INTS11: variants seen among roughly 807,000 people sequenced by gnomAD.
The protein encoded by INTS11 is integrator complex subunit 11.
A neutral mutation model predicts 78.6 loss-of-function variants in INTS11; 77 were observed. The observed-to-expected ratio is 0.98, with a 90% CI of 0.81 to 1.18. The LOEUF is 1.18. Among genes scored for constraint, INTS11 ranks in the 50% most tolerant of loss-of-function variants. The pLI, the probability that INTS11 is intolerant of heterozygous loss-of-function variation, is 0.00. For synonymous variants in INTS11, 441 were observed against 326.9 expected, an observed-to-expected ratio of 1.35 and a Z score of -3.77; for missense variants, 875 against 825.9, an observed-to-expected ratio of 1.06 and a Z score of -0.73.
chr1:1,313,807 G>A lies in INTS11; in HGVS notation c.882C>T (p.Phe294=), dbSNP rs12142199. The part of the protein sequence containing the change: ...PWTNQKIRKT[F]VQRNMFEFKH... ...TGAACTCAAACATGTTCCTCTGCAC[G>A]AAAGTCTTGCGGATCTTCTGGTTGG... is the stretch of plus-strand genomic sequence containing the variant. The change falls in exon 9 of 17, where the codon TTC becomes TTT. Residue 294 remains phenylalanine (F), a synonymous_variant. Transcript: ENST00000435064. The A allele has an allele frequency of 0.7, 1,125,825 of 1,613,356 alleles. 429,561 individuals are homozygous for A. The highest frequency in any genetic ancestry group is 0.79 in the Non-Finnish European group (937,864 of 1,179,914).
chr1:1,314,771 A>G lies in INTS11; in HGVS notation c.702+53T>C, dbSNP rs1462488793. 1 of 1,571,114 alleles carries G rather than the reference A, an allele frequency of 6.4e-7. No homozygotes were observed. The highest frequency in any genetic ancestry group is 1.3e-5 in the African/African-American group (1 of 74,250). ...GCCAAGGGCAGCCAAGCCTGCCAGAAAGACCAGCCCAGCATGGCCGAGGGC... is the reference window on the plus strand; with the variant it reads ...GCCAAGGGCAGCCAAGCCTGCCAGAGAGACCAGCCCAGCATGGCCGAGGGC... On this transcript the variant is annotated intron_variant, in intron 7 of 16. Coordinates refer to ENST00000435064, the MANE Select transcript of INTS11 (RefSeq NM_017871.6). The surrounding 1 kb of genome is among the most constrained non-coding windows in gnomAD (Gnocchi z 4.2).
At chr1:1,322,432 G>C (rs1297591097) in intron 1 of INTS11, among the ~76,000 whole-genome samples, 1 of 148,102 alleles carries the variant, frequency 6.8e-6, no homozygotes, top group Non-Finnish European at 1.5e-5. Flanking sequence ...AAGCACGCCA[G>C]ACGAAGGTTA....
chr1:1,313,432 G>A (rs911460291), intron 10 of INTS11, 77 bp downstream of exon 10: 2 of 1,523,188 alleles, frequency 1.3e-6, no homozygotes, highest in Non-Finnish European at 9.1e-7. Context: ...GCCAGTGAGA[G>A]CTCAGAGACA....
In INTS11 at chr1:1,314,046, C is replaced by T. The variant is rs997832305; in HGVS notation, c.768-125G>A. The T allele has an allele frequency of 9.1e-6, 9 of 991,256 alleles. No homozygotes were observed. Among genetic ancestry groups the T allele is most frequent in the Admixed American group, 4.6e-5 (2 of 43,850 alleles). 61.4% of individuals were successfully genotyped at this position (991,256 alleles called of 1,614,324 possible). ...ACGCACGGGCCAGGTTGAGTCCAGT[C>T]GCGACCACTTGTCCCATTAAGCCCT... On this transcript the variant is annotated intron_variant, in intron 8 of 16. Transcript: ENST00000435064. This position sits in a 1 kb window ranked among gnomAD's most constrained non-coding sequence, Gnocchi z 4.2.
intron 10 of INTS11, 22 bp from the exon 11 acceptor site, chr1:1,313,146 ACAGC>A: frequency 6.3e-7 from 1 of 1,596,582 alleles, no homozygotes; most frequent in Non-Finnish European, 8.5e-7. Flanking sequence ...CACAGAGCTC[ACAGC>A]CAGGGAACTC....
In INTS11 at chr1:1,320,438, C is replaced by A. The variant is rs201068171; in HGVS notation, c.200+18G>T. 10 of 1,611,582 alleles carry A rather than the reference C, an allele frequency of 6.2e-6. No homozygotes were observed. In the East Asian group the frequency reaches 2.2e-4, roughly 36 times the overall value. The stretch of plus-strand genomic sequence containing the variant: ...AGGCACAGACATGGGACCCTCAAGG[C>A]CCCCAACAGGAACCCACCTAATGAT... On this transcript the variant is annotated intron_variant, in intron 3 of 16. Coordinates refer to ENST00000435064, the MANE Select transcript of INTS11 (RefSeq NM_017871.6).
chr1:1,324,494 C>G (rs899703537), intron 1 of INTS11, 87 bp downstream of exon 1: 9 of 1,400,940 alleles, frequency 6.4e-6, no homozygotes, highest in African/African-American at 3.0e-5. Flanking sequence ...CCTGGCTCCA[C>G]GAGAAACGGG....
chr1:1,314,508 C>A lies in INTS11; in HGVS notation c.703-143G>T. 1.4e-6 allele frequency: 1 copy of A among 734,568 alleles called. No homozygotes were observed. Among genetic ancestry groups the A allele is most frequent in the Non-Finnish European group, 2.2e-6 (1 of 451,770 alleles). 45.5% of individuals were successfully genotyped at this position (734,568 alleles called of 1,614,324 possible). On this transcript the variant is annotated intron_variant, in intron 7 of 16. Transcript: ENST00000435064. The surrounding 1 kb of genome is among the most constrained non-coding windows in gnomAD (Gnocchi z 4.2). ...TCATCTGCTCCCAGTCCCGTCCCAG[C>A]CGCTCTCCAGAGACAGAAGGGAGCC...
intron 1 of INTS11, among the ~76,000 whole-genome samples, chr1:1,323,509 A>G (rs919645588): frequency 2.0e-5 from 3 of 151,938 alleles, no homozygotes; most frequent in Admixed American, 1.3e-4. Flanking sequence ...GGCTCAAGCA[A>G]TCCTCACAAC....
intron 6 of INTS11, 61 bp downstream of exon 6, chr1:1,315,343 C>T (rs1642513792): frequency 6.2e-7 from 1 of 1,601,650 alleles, no homozygotes; most frequent in Non-Finnish European, 8.5e-7. Context: ...ACCCTGACAC[C>T]TGCAAGGGTC....
intron 1 of INTS11, 129 bp from the exon 2 acceptor site, chr1:1,321,222 C>T: frequency 3.0e-6 from 2 of 676,352 alleles, no homozygotes; most frequent in Non-Finnish European, 5.1e-6. Context: ...ACACATGGGC[C>T]AAGAAGCAGG....
intron 3 of INTS11, 75 bp from the exon 4 acceptor site, chr1:1,319,599 A>G: frequency 9.4e-7 from 1 of 1,061,922 alleles, no homozygotes; most frequent in Non-Finnish European, 1.3e-6. Context: ...CTTGTGGGTC[A>G]CTGGCCCCTT....
rs537940293 is a variant in INTS11, at chr1:1,311,896, G to A, written c.1766C>T (p.Ser589Phe). ...CTGGGGGAGGCCCTTCTTCAGCAGA[G>A]ATGTGAGGAAGCTCCCCAGCTCCTC... Reference protein sequence around the residue: ...QDEELGSFLTSLLKKGLPQAP... With the variant: ...QDEELGSFLTFLLKKGLPQAP... Residue 589 changes from serine to phenylalanine, a missense_variant, in exon 17 of 17, where the codon TCT (serine) becomes TTT (phenylalanine). By Grantham distance (155) the Ser-to-Phe change is radical. Transcript: ENST00000435064. 7.0e-6 allele frequency: 11 copies of A among 1,573,832 alleles called. No homozygotes were observed. The East Asian group carries it at 9.0e-5, about 13-fold the overall frequency.
intron 3 of INTS11, 126 bp from the exon 4 acceptor site, chr1:1,319,650 A>T: frequency 1.6e-6 from 1 of 640,486 alleles, no homozygotes. Context: ...CGAGTACCGA[A>T]GAGTCAGTAA....
At position 1,315,506 on chromosome 1, in the gene INTS11, G is replaced by GC; in HGVS notation, c.528+13dup. On this transcript the variant is annotated intron_variant, in intron 5 of 16. Coordinates refer to ENST00000435064, the MANE Select transcript of INTS11 (RefSeq NM_017871.6). ...CCCAGCAGCCCCTCCCAAGCCTCAA[G>GC]CCCTTCCACTGACCGTGTAGACCAC... 6.2e-7 allele frequency: 1 copy of GC among 1,612,068 alleles called. No homozygotes were observed. The highest frequency in any genetic ancestry group is 8.5e-7 in the Non-Finnish European group (1 of 1,179,056).
At chr1:1,323,102 TG>T in intron 1 of INTS11, 1 of 1,515,720 alleles carries the variant, frequency 6.6e-7, no homozygotes, top group Non-Finnish European at 8.9e-7. Context: ...CAAAATGCCA[TG>T]GGGTGTGCAC....
intron 1 of INTS11, chr1:1,323,282 A>C (rs1268095658): frequency 6.5e-7 from 1 of 1,549,536 alleles, no homozygotes; most frequent in South Asian, 1.2e-5. Flanking sequence ...AGCACAGGGC[A>C]GGCACCTGTG....
Position 1,314,226 on chromosome 1 carries a change from C to T in INTS11, c.767+75G>A. Reference sequence around the variant, plus strand: ...GCCAAGATGCCACCGCTACGCTGGACAGGGCTGCCCACCAACTGGACTGTG... The same window carrying T: ...GCCAAGATGCCACCGCTACGCTGGATAGGGCTGCCCACCAACTGGACTGTG... On this transcript the variant is annotated intron_variant, in intron 8 of 16. Coordinates refer to ENST00000435064, the MANE Select transcript of INTS11 (RefSeq NM_017871.6). This position sits in a 1 kb window ranked among gnomAD's most constrained non-coding sequence, Gnocchi z 4.2. The T allele has an allele frequency of 7.3e-7, 1 of 1,368,326 alleles. No homozygotes were observed. The allele number at this position is 1,368,326 out of a possible 1,614,324, so 84.8% of individuals were successfully genotyped here. A position where few individuals can be genotyped will look rare whatever the true frequency, so the allele number is the denominator to read the frequency against.
chr1:1,311,677 A>T lies in INTS11; in HGVS notation c.*182T>A. The T allele has an allele frequency of 4.2e-6, 3 of 722,012 alleles. No homozygotes were observed. The highest frequency in any genetic ancestry group is 7.3e-6 in the Non-Finnish European group (3 of 412,442). 44.7% of individuals were successfully genotyped at this position (722,012 alleles called of 1,614,324 possible). ...CAGGAATAAAGGCAAGACAGCCTGG[A>T]GACCAGTTTGTTTCTTCAGCTGCAA... On this transcript the variant is annotated 3_prime_UTR_variant, in exon 17 of 17. Coordinates refer to ENST00000435064, the MANE Select transcript of INTS11 (RefSeq NM_017871.6).
Sources: allele counts gnomAD v4.1 joint callset (sites outside exome capture counted in the v4.1 genomes callset), GRCh38; gene constraint gnomAD v4.1.1; non-coding constraint Gnocchi (gnomAD v3.1); transcripts MANE v1.5; gene names NCBI Gene and HGNC (gene_info 2026-07-23, HGNC 2026-07-21).